The following PCDHGB6 variants were observed in gnomAD, a reference collection of about 807,000 sequenced individuals.
PCDHGB6 encodes protocadherin gamma-B6.
A neutral mutation model predicts 59.1 loss-of-function variants in PCDHGB6; 51 were observed. That is an observed-to-expected ratio of 0.86 (90% CI 0.69 to 1.09). PCDHGB6 has a LOEUF of 1.09. PCDHGB6 is among the 50% of genes least tolerant of loss of function. The pLI is 0.00. For missense variants in PCDHGB6, 1,148 were observed against 1,205.1 expected (o/e 0.95, Z 0.70); for synonymous variants, 466 against 495.1 (o/e 0.94, Z 0.78).
In PCDHGB6 at chr5:141,476,776, G is replaced by A. The variant is rs764674164; in HGVS notation, c.2419-18031G>A. 9.3e-6 allele frequency: 15 copies of A among 1,612,744 alleles called. No homozygotes were observed. The highest frequency in any genetic ancestry group is 1.3e-5 in the Non-Finnish European group (15 of 1,179,218). On this transcript the variant is annotated intron_variant, in intron 1 of 3. Coordinates refer to ENST00000520790, the MANE Select transcript of PCDHGB6 (RefSeq NM_018926.3). This position sits in a 1 kb window ranked among gnomAD's most constrained non-coding sequence, Gnocchi z 7.6. ...TAGTGCTGACGGCGTTGGACGGAGG[G>A]ACCCCAGCTCTCTCCGCCAGCCTGC...
Position 141,477,376 on chromosome 5 carries a change from G to A in PCDHGB6, c.2419-17431G>A. The A allele has an allele frequency of 6.2e-7, 1 of 1,614,146 alleles. No homozygotes were observed. Among genetic ancestry groups the A allele is most frequent in the Non-Finnish European group, 8.5e-7 (1 of 1,180,026 alleles). ...GTGCAGACCTGGATCGGGAGACTGT[G>A]CCAGAATACAACCTCAGCATCACCG... On this transcript the variant is annotated intron_variant, in intron 1 of 3. Transcript: ENST00000520790. This position sits in a 1 kb window ranked among gnomAD's most constrained non-coding sequence, Gnocchi z 4.9.
In PCDHGB6 at chr5:141,491,665, C is replaced by A; in HGVS notation, c.2419-3142C>A. 1 of 1,613,764 alleles carries A rather than the reference C, an allele frequency of 6.2e-7. No individual in the cohort carries two copies. Among genetic ancestry groups the A allele is most frequent in the Admixed American group, 1.7e-5 (1 of 60,034 alleles). On this transcript the variant is annotated intron_variant, in intron 1 of 3. Coordinates refer to ENST00000520790, the MANE Select transcript of PCDHGB6 (RefSeq NM_018926.3). The surrounding 1 kb of genome is among the most constrained non-coding windows in gnomAD (Gnocchi z 6.9). ...TCTGGCGCTGGAGCCTGACGCCATCCGGTCCCGCTCTAATACGCTGCGGGA... is the reference window on the plus strand; with the variant it reads ...TCTGGCGCTGGAGCCTGACGCCATCAGGTCCCGCTCTAATACGCTGCGGGA...
chr5:141,491,441 A>G lies in PCDHGB6; in HGVS notation c.2419-3366A>G, dbSNP rs776616506. 1.2e-6 allele frequency: 2 copies of G among 1,614,146 alleles called. No homozygotes were observed. The highest frequency in any genetic ancestry group is 1.7e-6 in the Non-Finnish European group (2 of 1,180,032). ...GGTGGAGGGCAGTGCTGCAGGCGCCAGGACTCACCCTCCCCGGACTTCTAT... is the reference window on the plus strand; with the variant it reads ...GGTGGAGGGCAGTGCTGCAGGCGCCGGGACTCACCCTCCCCGGACTTCTAT... On this transcript the variant is annotated intron_variant, in intron 1 of 3. Coordinates refer to ENST00000520790, the MANE Select transcript of PCDHGB6 (RefSeq NM_018926.3). The surrounding 1 kb of genome is among the most constrained non-coding windows in gnomAD (Gnocchi z 6.9).
chr5:141,473,860 A>G (rs184722742), intron 1 of PCDHGB6, among the ~76,000 whole-genome samples: 409 of 152,318 alleles, frequency 2.7e-3, no homozygotes, highest in Middle Eastern at 6.8e-3. Context: ...GAACCTCGCT[A>G]TTGTGGAGAA....
chr5:141,421,019 C>T, intron 1 of PCDHGB6: 1 of 516,402 alleles, frequency 1.9e-6, no homozygotes, highest in Non-Finnish European at 3.4e-6. Flanking sequence ...TGGGAAGCTG[C>T]GCGCCATTGA....
chr5:141,490,497 C>T lies in PCDHGB6; in HGVS notation c.2419-4310C>T. 8 of 1,614,196 alleles carry T rather than the reference C, an allele frequency of 5.0e-6. No individual in the cohort carries two copies. Among genetic ancestry groups the T allele is most frequent in the Non-Finnish European group, 6.8e-6 (8 of 1,180,038 alleles). ...CTTTGGACCGGGAGGCCACATCCCACTATATCATCGAGCTGCTGGCCAGCG... is the reference window on the plus strand; with the variant it reads ...CTTTGGACCGGGAGGCCACATCCCATTATATCATCGAGCTGCTGGCCAGCG... On this transcript the variant is annotated intron_variant, in intron 1 of 3. Transcript: ENST00000520790. The surrounding 1 kb of genome is among the most constrained non-coding windows in gnomAD (Gnocchi z 5.4).
rs2099401367 is a variant in PCDHGB6 at position 141,476,906 on chromosome 5, G to C, written c.2419-17901G>C. ...GGATGCACCCTCCGGCACGCGCGTG[G>C]TACAAGTCCTTGCAACGGATCTGGA... is the stretch of plus-strand genomic sequence containing the variant. On this transcript the variant is annotated intron_variant, in intron 1 of 3. Coordinates refer to ENST00000520790, the MANE Select transcript of PCDHGB6 (RefSeq NM_018926.3). The surrounding 1 kb of genome is among the most constrained non-coding windows in gnomAD (Gnocchi z 7.6). 2 of 1,614,050 alleles carry C rather than the reference G, an allele frequency of 1.2e-6. No homozygotes were observed. The highest frequency in any genetic ancestry group is 1.7e-6 in the Non-Finnish European group (2 of 1,180,044).
At position 141,485,331 on chromosome 5, in the gene PCDHGB6, T is replaced by G; in HGVS notation, c.2419-9476T>G. 6.2e-7 allele frequency: 1 copy of G among 1,614,166 alleles called. No individual in the cohort carries two copies. Among genetic ancestry groups the G allele is most frequent in the Admixed American group, 1.7e-5 (1 of 60,022 alleles). Reference sequence around the variant, plus strand: ...GTAGGGAATGTCGCTCAAGATTTCCTGCTGGATACGGACAGTCTGTCAGCT... The same window carrying G: ...GTAGGGAATGTCGCTCAAGATTTCCGGCTGGATACGGACAGTCTGTCAGCT... On this transcript the variant is annotated intron_variant, in intron 1 of 3. Coordinates refer to ENST00000520790, the MANE Select transcript of PCDHGB6 (RefSeq NM_018926.3). The surrounding 1 kb of genome is among the most constrained non-coding windows in gnomAD (Gnocchi z 5.7).
intron 1 of PCDHGB6, chr5:141,428,437 C>G: frequency 2.5e-6 from 1 of 400,386 alleles, no homozygotes; most frequent in East Asian, 5.4e-5. Flanking sequence ...TAAGACTAGA[C>G]CAGGGGTTTT....
intron 1 of PCDHGB6, chr5:141,424,527 A>G (rs1164206187): frequency 1.3e-5 from 2 of 152,214 alleles, no homozygotes; most frequent in African/African-American, 2.4e-5. Flanking sequence ...GTAAATCCAT[A>G]TATAGAAATA....
At chr5:141,422,229 G>C in intron 1 of PCDHGB6, 4 of 1,565,880 alleles carry the variant, frequency 2.6e-6, no homozygotes, top group Non-Finnish European at 3.4e-6. Flanking sequence ...CCACGACGAT[G>C]TTGATCACTG....
In PCDHGB6 at chr5:141,511,402, A is replaced by C; in HGVS notation, c.*229A>C. On this transcript the variant is annotated 3_prime_UTR_variant, in exon 4 of 4. Transcript: ENST00000520790. Reference sequence around the variant, plus strand: ...TTCCGCTGGGAACCCCCATCCAATCAACTGCTGTACCCATGGGGGTAGTGG... The same window carrying C: ...TTCCGCTGGGAACCCCCATCCAATCCACTGCTGTACCCATGGGGGTAGTGG... The C allele has an allele frequency of 1.0e-6, 1 of 969,684 alleles. No individual in the cohort carries two copies. 60.1% of individuals were successfully genotyped at this position (969,684 alleles called of 1,614,324 possible).
At chr5:141,480,703 C>G (rs577131684) in intron 1 of PCDHGB6, among the ~76,000 whole-genome samples, 1 of 152,134 alleles carries the variant, frequency 6.6e-6, no homozygotes, top group African/African-American at 2.4e-5. Context: ...GGCCACACCC[C>G]GACAAATGAA....
intron 1 of PCDHGB6, chr5:141,420,053 T>C (rs1178680836): frequency 3.1e-6 from 5 of 1,613,970 alleles, no homozygotes; most frequent in Non-Finnish European, 2.5e-6. Context: ...GTCAGTTCTC[T>C]GCTCCAAGTC....
chr5:141,480,402 G>A (rs1268532373), intron 1 of PCDHGB6, among the ~76,000 whole-genome samples: 2 of 145,838 alleles, frequency 1.4e-5, no homozygotes, highest in African/African-American at 2.6e-5. Flanking sequence ...GCAATAGAGT[G>A]AGACCCTGTC....
In PCDHGB6 at chr5:141,431,059, C is replaced by G. The variant is rs367774626; in HGVS notation, c.2418+20439C>G. ...GGGAGGAGCTCTGTATGGGGGCCAT[C>G]AAGTGTCAATTAAATCTAGACATTC... On this transcript the variant is annotated intron_variant, in intron 1 of 3. Coordinates refer to ENST00000520790, the MANE Select transcript of PCDHGB6 (RefSeq NM_018926.3). This position sits in a 1 kb window ranked among gnomAD's most constrained non-coding sequence, Gnocchi z 4.8. 1 of 1,614,136 alleles carries G rather than the reference C, an allele frequency of 6.2e-7. No individual in the cohort carries two copies.
intron 3 of PCDHGB6, among the ~76,000 whole-genome samples, chr5:141,510,272 T>TA (rs546154379): frequency 0.17 from 22,022 of 130,294 alleles, 2,255 homozygotes; most frequent in African/African-American, 0.28. Flanking sequence ...GACTCCATCT[T>TA]AAAAAAAAAA....
At chr5:141,456,148 C>G (rs1408257938) in intron 1 of PCDHGB6, among the ~76,000 whole-genome samples, 1 of 152,080 alleles carries the variant, frequency 6.6e-6, no homozygotes, top group African/African-American at 2.4e-5. Flanking sequence ...CCGCCCGCCT[C>G]GGCCTCCTAA....
At chr5:141,479,186 T>A (rs956575218) in intron 1 of PCDHGB6, 1 of 152,590 alleles carries the variant, frequency 6.6e-6, no homozygotes, top group Non-Finnish European at 1.5e-5. Flanking sequence ...GCTAGAAAAT[T>A]CAGAAAATAC....
Sources: allele counts gnomAD v4.1 joint callset (sites outside exome capture counted in the v4.1 genomes callset), GRCh38; gene constraint gnomAD v4.1.1; non-coding constraint Gnocchi (gnomAD v3.1); transcripts MANE v1.5; gene names NCBI Gene and HGNC (gene_info 2026-07-23, HGNC 2026-07-21).